The following SBF2 variants were observed in gnomAD, a reference collection of about 807,000 sequenced individuals.
The protein encoded by SBF2 is SET binding factor 2.
Under a neutral mutation model 225.2 loss-of-function variants are expected in SBF2, and 112 were observed. The ratio of observed to expected loss-of-function variants is 0.50; its 90% CI spans 0.43 to 0.58. The LOEUF (loss-of-function observed/expected upper bound fraction) is 0.58, where lower values mean the gene tolerates loss of function less well. Among genes scored for constraint, SBF2 ranks in the 20% least tolerant of loss-of-function variants. SBF2 has a pLI of 0.00. For synonymous variants in SBF2, 763 were observed against 773.3 expected (o/e 0.99, Z 0.22); for missense variants, 1,996 against 2,206.2 (o/e 0.90, Z 1.91).
chr11:10,272,366 T>G (rs1448731891), intron 1 of SBF2: 1 of 546,926 alleles, frequency 1.8e-6, no homozygotes, highest in Non-Finnish European at 3.1e-6. Context: ...TACCAGTTAC[T>G]CACACAATTT....
chr11:10,278,729 G>A (rs1172378324), intron 1 of SBF2, among the ~76,000 whole-genome samples: 2 of 150,780 alleles, frequency 1.3e-5, no homozygotes, highest in Non-Finnish European at 2.9e-5. Context: ...GTTGCAGTGA[G>A]CTGAGACCGA....
chr11:10,060,577 G>A (rs912809563), intron 2 of SBF2, among the ~76,000 whole-genome samples: 8 of 152,076 alleles, frequency 5.3e-5, no homozygotes, highest in African/African-American at 1.9e-4. Context: ...AGACACAACA[G>A]AGAAAGAAAA....
At chr11:9,916,106 T>C (rs1378662776) in intron 16 of SBF2, among the ~76,000 whole-genome samples, 1 of 152,080 alleles carries the variant, frequency 6.6e-6, no homozygotes, top group Non-Finnish European at 1.5e-5. Context: ...ATTTTTAGCA[T>C]TTTAAATCTA....
intron 17 of SBF2, among the ~76,000 whole-genome samples, chr11:9,871,950 C>G (rs1858801426): frequency 1.3e-5 from 2 of 152,128 alleles, no homozygotes; most frequent in African/African-American, 4.8e-5. Flanking sequence ...ACCATTTGAC[C>G]CAGCAATCCC....
intron 18 of SBF2, among the ~76,000 whole-genome samples, chr11:9,857,922 G>A (rs1323886588): frequency 6.6e-6 from 1 of 152,130 alleles, no homozygotes; most frequent in South Asian, 2.1e-4. Flanking sequence ...TAGTTGCATA[G>A]AGAAGTATGC....
intron 2 of SBF2, among the ~76,000 whole-genome samples, chr11:10,094,499 A>T (rs10770088): frequency 0.45 from 65,555 of 146,526 alleles, 15,176 homozygotes; most frequent in Admixed American, 0.54. Flanking sequence ...AGTCAAAAAA[A>T]TTATTTTCCC....
intron 2 of SBF2, among the ~76,000 whole-genome samples, chr11:10,055,751 G>A (rs759721758): frequency 2.4e-4 from 37 of 152,190 alleles, no homozygotes; most frequent in South Asian, 4.2e-4. Context: ...GTGGTATAAC[G>A]GACAATAGAG....
intron 1 of SBF2, among the ~76,000 whole-genome samples, chr11:10,211,970 T>C (rs1957958563): frequency 6.6e-6 from 1 of 152,162 alleles, no homozygotes; most frequent in South Asian, 2.1e-4. Context: ...ACACCATCAT[T>C]CTCCAAAATG....
At chr11:9,990,809 C>A (rs1383424414) in intron 12 of SBF2, among the ~76,000 whole-genome samples, 1 of 152,102 alleles carries the variant, frequency 6.6e-6, no homozygotes, top group East Asian at 1.9e-4. Context: ...CTAACGCAGT[C>A]GAGTGGCTCT....
At chr11:10,103,658 T>G (rs540016083) in intron 2 of SBF2, among the ~76,000 whole-genome samples, 1 of 152,324 alleles carries the variant, frequency 6.6e-6, no homozygotes, top group South Asian at 2.1e-4. Context: ...TGTTCTTAAA[T>G]GCAGGTTTCT....
At chr11:9,926,895 G>A (rs942814547) in intron 16 of SBF2, among the ~76,000 whole-genome samples, 16 of 152,146 alleles carry the variant, frequency 1.1e-4, no homozygotes, top group African/African-American at 2.2e-4. Flanking sequence ...ATAAAATGTC[G>A]TGTAGAAATC....
At chr11:10,014,859 G>C (rs1315072405) in intron 6 of SBF2, among the ~76,000 whole-genome samples, 1 of 152,142 alleles carries the variant, frequency 6.6e-6, no homozygotes, top group Non-Finnish European at 1.5e-5. Context: ...GCCTGGTGCA[G>C]TGGCTCATGC....
At chr11:9,954,902 C>A (rs1240775120) in intron 16 of SBF2, among the ~76,000 whole-genome samples, 2 of 152,002 alleles carry the variant, frequency 1.3e-5, no homozygotes, top group Non-Finnish European at 2.9e-5. Context: ...TGGTTTTTGT[C>A]ATTTTAATAC....
At chr11:9,880,259 G>A (rs1859649247) in intron 17 of SBF2, among the ~76,000 whole-genome samples, 1 of 152,078 alleles carries the variant, frequency 6.6e-6, no homozygotes, top group African/African-American at 2.4e-5. Flanking sequence ...ACTATATCTG[G>A]CTGAGTATGT....
At chr11:10,102,076 T>C (rs1952333582) in intron 2 of SBF2, among the ~76,000 whole-genome samples, 1 of 152,218 alleles carries the variant, frequency 6.6e-6, no homozygotes, top group Non-Finnish European at 1.5e-5. Flanking sequence ...AAAGACAGTT[T>C]TAAAGACTAC....
intron 2 of SBF2, among the ~76,000 whole-genome samples, chr11:10,121,246 T>C (rs1486241992): frequency 6.6e-6 from 1 of 152,180 alleles, no homozygotes; most frequent in East Asian, 1.9e-4. Context: ...TAGGTAATGG[T>C]TGAAATACAA....
chr11:10,173,721 C>A (rs961413327), intron 2 of SBF2, among the ~76,000 whole-genome samples: 24 of 151,542 alleles, frequency 1.6e-4, no homozygotes, highest in African/African-American at 5.8e-4. Context: ...CACAGACAAA[C>A]AAAAAGACAG....
chr11:9,908,707 G>A (rs1862322708), intron 16 of SBF2, among the ~76,000 whole-genome samples: 1 of 152,104 alleles, frequency 6.6e-6, no homozygotes, highest in South Asian at 2.1e-4. Flanking sequence ...TGTTGTTGTT[G>A]TTTTAGAAAG....
At chr11:9,850,954 A>G (rs539099761) in intron 21 of SBF2, among the ~76,000 whole-genome samples, 1 of 152,108 alleles carries the variant, frequency 6.6e-6, no homozygotes, top group East Asian at 1.9e-4. Flanking sequence ...TGGCCAACAT[A>G]GTGAAACCCT....
Sources: allele counts gnomAD v4.1 joint callset (sites outside exome capture counted in the v4.1 genomes callset), GRCh38; gene constraint gnomAD v4.1.1; transcripts MANE v1.5; gene names NCBI Gene and HGNC (gene_info 2026-07-23, HGNC 2026-07-21).